The following BDP1 variants were observed in gnomAD, a reference collection of about 807,000 sequenced individuals.
BDP1 encodes transcription factor TFIIIB component B'' homolog.
Under a neutral mutation model 266.6 loss-of-function variants are expected in BDP1, and 169 were observed. That is an observed-to-expected ratio of 0.63 (90% CI 0.56 to 0.72). The LOEUF (loss-of-function observed/expected upper bound fraction) is 0.72. Among genes scored for constraint, BDP1 ranks in the 30% least tolerant of loss-of-function variants. The pLI is 0.00. For synonymous variants in BDP1, 1,090 were observed against 1,022.4 expected, an observed-to-expected ratio of 1.07 and a Z score of -1.26; for missense variants, 3,015 against 3,053.8, an observed-to-expected ratio of 0.99 and a Z score of 0.30.
At chr5:71,526,975 C>G (rs548227688) in intron 25 of BDP1, among the ~76,000 whole-genome samples, 6 of 147,048 alleles carry the variant, frequency 4.1e-5, no homozygotes, top group Non-Finnish European at 7.5e-5. Flanking sequence ...CGTGAGCCAC[C>G]ATGCCCAGCC....
rs530664234 is a variant in BDP1 at position 71,558,462 on chromosome 5, C to T, written c.7241-1520C>T. 1.2e-3 allele frequency among the ~76,000 whole-genome samples: 176 copies of T among 152,120 alleles called. 1 individual carries two copies. The highest frequency in any genetic ancestry group is 4.2e-3 in the African/African-American group (173 of 41,476). On this transcript the variant is annotated intron_variant, in intron 36 of 38. Coordinates refer to ENST00000358731, the MANE Select transcript of BDP1 (RefSeq NM_018429.3). ...GCTTGAACCTGGGAGACGGAGGTTG[C>T]AGCCAGCTGAGATCACGCCATTGCA...
chr5:71,537,127 C>CAAAGCCAA (rs1374484610), intron 26 of BDP1, among the ~76,000 whole-genome samples: 3 of 88,000 alleles, frequency 3.4e-5, no homozygotes, highest in Non-Finnish European at 6.2e-5. Context: ...GACTCTGTCT[C>CAAAGCCAA]AAAGCCAAAA....
chr5:71,480,977 C>T (rs1276580978), intron 7 of BDP1, among the ~76,000 whole-genome samples: 1 of 152,078 alleles, frequency 6.6e-6, no homozygotes, highest in Non-Finnish European at 1.5e-5. Context: ...GAGATAAAGA[C>T]CATCCTGGCT....
At chr5:71,483,404 A>G (rs1443791988) in intron 7 of BDP1, among the ~76,000 whole-genome samples, 1 of 152,172 alleles carries the variant, frequency 6.6e-6, no homozygotes, top group East Asian at 1.9e-4. Context: ...TGTCAGGATA[A>G]ACTTGGCCTG....
rs900175228 is a variant in BDP1, at chr5:71,515,181, C to T, written c.4649+59C>T. Reference sequence around the variant, plus strand: ...AGAGAGATACTTCTTTTAAATATTTCTAATTTTTATTGAGATATGTTAATG... The same window carrying T: ...AGAGAGATACTTCTTTTAAATATTTTTAATTTTTATTGAGATATGTTAATG... On this transcript the variant is annotated intron_variant, in intron 20 of 38. Transcript: ENST00000358731. 6 of 1,282,356 alleles carry T rather than the reference C, an allele frequency of 4.7e-6. No homozygotes were observed. In the African/African-American group the frequency reaches 9.4e-5, roughly 20 times the overall value. The allele number at this position is 1,282,356 out of a possible 1,614,324, so 79.4% of individuals were successfully genotyped here. A position where few individuals can be genotyped will look rare whatever the true frequency, so the allele number is the denominator to read the frequency against.
In BDP1 at chr5:71,516,231, T is replaced by C; in HGVS notation, c.4820T>C (p.Ile1607Thr). 6.2e-7 allele frequency: 1 copy of C among 1,613,270 alleles called. No homozygotes were observed. The highest frequency in any genetic ancestry group is 8.5e-7 in the Non-Finnish European group (1 of 1,179,516). The change falls in exon 21 of 39, where the codon ATA becomes ACA. Residue 1607 changes from isoleucine (I) to threonine (T), a missense_variant. Transcript: ENST00000358731. ...AKGIIKEGRTILPKDETEKKV... is the reference protein window; with the variant it reads ...AKGIIKEGRTTLPKDETEKKV... ...GGCATAATTAAGGAAGGAAGAACGATATTACCAAAAGATGAAACTGAAAAG... is the reference window on the plus strand; with the variant it reads ...GGCATAATTAAGGAAGGAAGAACGACATTACCAAAAGATGAAACTGAAAAG...
intron 28 of BDP1, 83 bp downstream of exon 28, chr5:71,539,732 C>A: frequency 1.2e-6 from 1 of 849,902 alleles, no homozygotes; most frequent in South Asian, 1.7e-5. Flanking sequence ...TGAGTAATAA[C>A]CCTTTTACCT....
chr5:71,477,361 T>C (rs2315534), intron 7 of BDP1, among the ~76,000 whole-genome samples: 71,237 of 151,644 alleles, frequency 0.47, 16,962 homozygotes, highest in South Asian at 0.55. Context: ...GTTGCCTAGG[T>C]TTGTCTCAAA....
At chr5:71,519,060 TC>T (rs1293635538) in intron 22 of BDP1, among the ~76,000 whole-genome samples, 1 of 151,974 alleles carries the variant, frequency 6.6e-6, no homozygotes, top group African/African-American at 2.4e-5. Flanking sequence ...CCTCAGGTGA[TC>T]CACCCACCTC....
intron 37 of BDP1, among the ~76,000 whole-genome samples, chr5:71,560,881 A>G (rs115856000): frequency 0.01 from 1,534 of 152,296 alleles, 30 homozygotes; most frequent in African/African-American, 0.035. Context: ...TAATAGATCT[A>G]TTGTTTTTGT....
intron 25 of BDP1, among the ~76,000 whole-genome samples, chr5:71,528,488 G>T (rs1766044218): frequency 6.6e-6 from 1 of 152,162 alleles, no homozygotes; most frequent in Admixed American, 6.5e-5. Flanking sequence ...AAATGAATCA[G>T]AGTTAACTAA....
intron 13 of BDP1, among the ~76,000 whole-genome samples, chr5:71,498,925 T>C (rs545937192): frequency 3.3e-5 from 5 of 152,174 alleles, no homozygotes; most frequent in South Asian, 2.1e-4. Flanking sequence ...GGTTTTGTCA[T>C]GTTGGCCAAG....
chr5:71,536,799 CCA>C (rs1324306597), intron 26 of BDP1, among the ~76,000 whole-genome samples: 1 of 152,028 alleles, frequency 6.6e-6, no homozygotes, highest in Admixed American at 6.6e-5. Flanking sequence ...TCACTGCACC[CCA>C]GTCTGGGCAT....
intron 32 of BDP1, among the ~76,000 whole-genome samples, chr5:71,547,427 C>T (rs114345374): frequency 1.2e-4 from 19 of 152,070 alleles, no homozygotes; most frequent in Admixed American, 8.5e-4. Flanking sequence ...TATATCACAT[C>T]GGGAGACACA....
At chr5:71,514,192 A>C (rs1765098416) in intron 19 of BDP1, among the ~76,000 whole-genome samples, 1 of 152,152 alleles carries the variant, frequency 6.6e-6, no homozygotes, top group Admixed American at 6.5e-5. Flanking sequence ...TTATAAACTG[A>C]ATGTTTTCCA....
rs1554111689 is a variant in BDP1 at position 71,477,624 on chromosome 5, C to CTTTTTTTTTTCTT, written c.1015-6208_1015-6207insCTTTTTTTTTTTT. ...TGACCCATGTTCAGACAAATTTTTT[C>CTTTTTTTTTTCTT]TTTTTTTTTTTTGATATAGGGTCTC... is the stretch of plus-strand genomic sequence containing the variant. On this transcript the variant is annotated intron_variant, in intron 7 of 38. Transcript: ENST00000358731. Among the ~76,000 whole-genome samples, 134 of 143,344 alleles carry CTTTTTTTTTTCTT rather than the reference C, an allele frequency of 9.3e-4. 1 individual carries two copies. The highest frequency in any genetic ancestry group is 2.7e-3 in the African/African-American group (106 of 39,292). 94.0% of individuals were successfully genotyped at this position (143,344 alleles called of 152,430 possible).
intron 15 of BDP1, 51 bp from the exon 16 acceptor site, chr5:71,504,570 T>C (rs756723317): frequency 7.9e-6 from 12 of 1,523,932 alleles, no homozygotes; most frequent in South Asian, 1.2e-5. Flanking sequence ...TGAAATCTGT[T>C]ATGCCTCATT....
the BDP1 span, among the ~76,000 whole-genome samples, chr5:71,577,084 A>T: frequency 6.6e-6 from 1 of 152,204 alleles, no homozygotes; most frequent in Non-Finnish European, 1.5e-5. Context: ...CTTGCCAGTT[A>T]TATCACTGCA....
intron 17 of BDP1, among the ~76,000 whole-genome samples, chr5:71,511,656 T>G (rs1048506513): frequency 6.6e-6 from 1 of 151,954 alleles, no homozygotes; most frequent in African/African-American, 2.4e-5. Context: ...CAAAAAGAAA[T>G]AAAAATAATT....
Sources: allele counts gnomAD v4.1 joint callset (sites outside exome capture counted in the v4.1 genomes callset), GRCh38; gene constraint gnomAD v4.1.1; transcripts MANE v1.5; gene names NCBI Gene and HGNC (gene_info 2026-07-23, HGNC 2026-07-21).